Variants in CACTIN observed in about 807,000 individuals in gnomAD.
CACTIN encodes the protein cactin, spliceosome C complex subunit, also known as splicing factor Cactin.
Under a neutral mutation model 84.9 loss-of-function variants are expected in CACTIN, and 20 were observed. The observed-to-expected ratio is 0.24, with a 90% CI of 0.17 to 0.34. The LOEUF is 0.34. CACTIN is among the 10% of genes least tolerant of loss of function. The pLI is 1.00. For synonymous variants in CACTIN, 549 were observed against 467.9 expected (o/e 1.17, Z -2.24); for missense variants, 897 against 1,117.2 (o/e 0.80, Z 2.81).
rs941227472 is a variant in CACTIN, at chr19:3,614,744, T to G, written c.1163-155A>C. ...GTCCCGCCACCTCCCTGGTCTCAGG[T>G]TGTCCCCACCCTGGCCACAGCGGAG... On this transcript the variant is annotated intron_variant, in intron 6 of 9. Coordinates refer to ENST00000429344, the MANE Select transcript of CACTIN (RefSeq NM_001080543.2). 10 of 660,304 alleles carry G rather than the reference T, an allele frequency of 1.5e-5. No homozygotes were observed. The African/African-American group carries it at 1.6e-4, about 11-fold the overall frequency. The allele number at this position is 660,304 out of a possible 1,614,324, so 40.9% of individuals were successfully genotyped here. A position where few individuals can be genotyped will look rare whatever the true frequency, so the allele number is the denominator to read the frequency against.
intron 2 of CACTIN, among the ~76,000 whole-genome samples, chr19:3,621,532 C>G (rs1429650899): frequency 6.6e-6 from 1 of 152,202 alleles, no homozygotes; most frequent in Non-Finnish European, 1.5e-5. Context: ...CCCCAGACAC[C>G]CGGGCCACTC....
chr19:3,612,424 G>A lies in CACTIN; in HGVS notation c.1787-11C>T. On this transcript the variant is annotated splice_polypyrimidine_tract_variant and intron_variant, in intron 9 of 9. Coordinates refer to ENST00000429344, the MANE Select transcript of CACTIN (RefSeq NM_001080543.2). ...TCTCGCTGGCGTCTCCTGCGGGCGG[G>A]ACGGCGTTCACCCGGGCCTCGGCCT... The A allele has an allele frequency of 1.3e-6, 2 of 1,574,534 alleles. No homozygotes were observed. The highest frequency in any genetic ancestry group is 2.3e-5 in the East Asian group (1 of 44,404).
Position 3,612,285 on chromosome 19 carries a change from G to A in CACTIN, c.1915C>T (p.Arg639Trp), listed in dbSNP as rs1178679703. Reference sequence around the variant, plus strand: ...TTGAAGAAGCGCGGCTTGCGTGGCCGGTACTTGTCGGCCCACAGGTAGGCC... The same window carrying A: ...TTGAAGAAGCGCGGCTTGCGTGGCCAGTACTTGTCGGCCCACAGGTAGGCC... ...GKAYLWADKY[R>W]PRKPRFFNRV... Residue 639 changes from arginine (R) to tryptophan (W), a missense_variant, in exon 10 of 10, where the codon CGG becomes TGG. Physicochemically the swap from Arg to Trp is moderately radical, Grantham distance 101. This residue lies in a region of CACTIN where 13 missense variants were observed against 27.0 expected (regional missense o/e 0.48). Coordinates refer to ENST00000429344, the MANE Select transcript of CACTIN (RefSeq NM_001080543.2). 1.9e-6 allele frequency: 3 copies of A among 1,613,012 alleles called. No individual in the cohort carries two copies. Among genetic ancestry groups the A allele is most frequent in the African/African-American group, 1.3e-5 (1 of 75,072 alleles).
intron 2 of CACTIN, among the ~76,000 whole-genome samples, chr19:3,623,311 C>G (rs896457597): frequency 2.6e-5 from 4 of 151,746 alleles, no homozygotes; most frequent in African/African-American, 7.3e-5. Flanking sequence ...GGGTGGATCA[C>G]AAGGTCAGGA....
At position 3,611,487 on chromosome 19, in the gene CACTIN, G is replaced by A. The variant is rs562245235; in HGVS notation, c.*436C>T. On this transcript the variant is annotated 3_prime_UTR_variant, in exon 10 of 10. Coordinates refer to ENST00000429344, the MANE Select transcript of CACTIN (RefSeq NM_001080543.2). Reference sequence around the variant, plus strand: ...TGGCCTTGAGTTTCCTGCTTCTCACGAGCCTGGCACCGCCAAGCCCAGGCC... The same window carrying A: ...TGGCCTTGAGTTTCCTGCTTCTCACAAGCCTGGCACCGCCAAGCCCAGGCC... The A allele has an allele frequency of 1.8e-4, 67 of 375,978 alleles. No individual in the cohort carries two copies. The highest frequency in any genetic ancestry group is 9.4e-4 in the East Asian group (12 of 12,802). The allele number at this position is 375,978 out of a possible 1,614,324, so 23.3% of individuals were successfully genotyped here.
At position 3,620,677 on chromosome 19, in the gene CACTIN, C is replaced by A. The variant is rs199561841; in HGVS notation, c.738+30G>T. On this transcript the variant is annotated intron_variant, in intron 3 of 9. Coordinates refer to ENST00000429344, the MANE Select transcript of CACTIN (RefSeq NM_001080543.2). ...GCCTCCAGGCCCTGGAAAGGGAGGG[C>A]CCTGCCCAGTGGGCTGGCAGGGTGC... 7.0e-6 allele frequency: 11 copies of A among 1,572,850 alleles called. No homozygotes were observed. In the Admixed American group the frequency reaches 1.9e-4, roughly 27 times the overall value.
chr19:3,612,312 T>C lies in CACTIN; in HGVS notation c.1888A>G (p.Lys630Glu). Residue 630 changes from lysine to glutamate, a missense_variant, in exon 10 of 10, where the codon AAG (lysine) becomes GAG (glutamate). Transcript: ENST00000429344. ...QFSVEMPLTG[K>E]AYLWADKYRP... Reference sequence around the variant, plus strand: ...TACTTGTCGGCCCACAGGTAGGCCTTGCCGGTGAGTGGCATCTCCACGCTG... The same window carrying C: ...TACTTGTCGGCCCACAGGTAGGCCTCGCCGGTGAGTGGCATCTCCACGCTG... 6.2e-7 allele frequency: 1 copy of C among 1,612,780 alleles called. No homozygotes were observed. The highest frequency in any genetic ancestry group is 8.5e-7 in the Non-Finnish European group (1 of 1,179,872).
rs530955395 is a variant in CACTIN, at chr19:3,613,669, T to G, written c.1356-83A>C. The stretch of plus-strand genomic sequence containing the variant: ...CCACCGAGATTCTCACGCCCCTTAT[T>G]GCTGCAAGGACCCTGAGAAGGTGGC... On this transcript the variant is annotated intron_variant, in intron 7 of 9. Coordinates refer to ENST00000429344, the MANE Select transcript of CACTIN (RefSeq NM_001080543.2). 113 of 1,513,574 alleles carry G rather than the reference T, an allele frequency of 7.5e-5. 2 individuals are homozygous for G. The African/African-American group carries it at 1.3e-3, about 17-fold the overall frequency. The allele number at this position is 1,513,574 out of a possible 1,614,324, so 93.8% of individuals were successfully genotyped here. A position where few individuals can be genotyped will look rare whatever the true frequency, so the allele number is the denominator to read the frequency against.
In CACTIN at chr19:3,613,372, G is replaced by A. The variant is rs2033018406; in HGVS notation, c.1479-7C>T. Reference sequence around the variant, plus strand: ...CGCGTCCTCAGGCTCCAGGCTGGGAGGAGAGAGCGTTGGAGGCGCGGAGGC... The same window carrying A: ...CGCGTCCTCAGGCTCCAGGCTGGGAAGAGAGAGCGTTGGAGGCGCGGAGGC... On this transcript the variant is annotated splice_region_variant and splice_polypyrimidine_tract_variant and intron_variant, in intron 8 of 9. Transcript: ENST00000429344. 1 of 1,524,648 alleles carries A rather than the reference G, an allele frequency of 6.6e-7. No homozygotes were observed. Among genetic ancestry groups the A allele is most frequent in the Admixed American group, 2.0e-5 (1 of 49,894 alleles). The allele number at this position is 1,524,648 out of a possible 1,614,324, so 94.4% of individuals were successfully genotyped here.
chr19:3,620,746 G>T lies in CACTIN; in HGVS notation c.699C>A (p.Asn233Lys). ...GCCGGTTGTCCTCCTGGATCCTCTT[G>T]TTCCGCTCCTTCAGCTCCTTCTCCT... ...HLEEKELKER[N>K]KRIQEDNRLE... The change falls in exon 3 of 10, where the codon AAC (asparagine) becomes AAA (lysine). Residue 233 changes from asparagine to lysine, a missense_variant. Transcript: ENST00000429344. The T allele has an allele frequency of 6.2e-7, 1 of 1,613,502 alleles. No individual in the cohort carries two copies. The highest frequency in any genetic ancestry group is 8.5e-7 in the Non-Finnish European group (1 of 1,179,880).
chr19:3,614,634 C>T (rs1287665680), intron 6 of CACTIN, 45 bp from the exon 7 acceptor site: 5 of 1,505,462 alleles, frequency 3.3e-6, no homozygotes, highest in East Asian at 2.4e-5. Context: ...ACATTTCCTA[C>T]GTGCTCCTCC....
chr19:3,612,653 C>T (rs888962598), intron 9 of CACTIN: 26 of 716,076 alleles, frequency 3.6e-5, no homozygotes, highest in Middle Eastern at 2.3e-4. Flanking sequence ...CCAAGCGCAG[C>T]GCGCTTCCCC....
At position 3,626,617 on chromosome 19, in the gene CACTIN, C is replaced by T; in HGVS notation, c.146G>A (p.Arg49Lys). Residue 49 changes from arginine to lysine, a missense_variant, in exon 1 of 10, where the codon AGG becomes AAG. By Grantham distance (26) the Arg-to-Lys change is conservative. Coordinates refer to ENST00000429344, the MANE Select transcript of CACTIN (RefSeq NM_001080543.2). ...RREDEGRRRR[R>K]RRSRERRSDS... ...CCACCTGCGCTCCCGGCTCCGCCGC[C>T]TCCGTCTGCGCCGTCCCTCGTCCTC... 6.6e-7 allele frequency: 1 copy of T among 1,515,322 alleles called. No individual in the cohort carries two copies. The highest frequency in any genetic ancestry group is 8.8e-7 in the Non-Finnish European group (1 of 1,139,696). 93.9% of individuals were successfully genotyped at this position (1,515,322 alleles called of 1,614,324 possible).
chr19:3,626,339 A>C (rs1003374529), intron 1 of CACTIN, among the ~76,000 whole-genome samples: 13 of 152,194 alleles, frequency 8.5e-5, no homozygotes, highest in Non-Finnish European at 1.5e-4. Flanking sequence ...ATATGATCTG[A>C]TCTCTCGTTA....
At position 3,613,475 on chromosome 19, in the gene CACTIN, G is replaced by T; in HGVS notation, c.1467C>A (p.Ser489=). The T allele has an allele frequency of 3.2e-6, 5 of 1,580,070 alleles. No homozygotes were observed. Among genetic ancestry groups the T allele is most frequent in the Non-Finnish European group, 4.3e-6 (5 of 1,167,594 alleles). The change falls in exon 8 of 10, where the codon TCC becomes TCA. Residue 489 remains serine (S), a synonymous_variant. Transcript: ENST00000429344. ...LFPILKQEPQ[S]PSRSLEPEDA... is the part of the protein sequence containing the mutation. ...CCGGCCGGGCCTACCTGCGGCTGGG[G>T]GACTGGGGCTCCTGCTTGAGGATGG...
At chr19:3,613,022 C>T in intron 9 of CACTIN, 36 bp downstream of exon 9, 2 of 1,495,872 alleles carry the variant, frequency 1.3e-6, no homozygotes, top group East Asian at 2.5e-5. Flanking sequence ...GCTCGCCCCA[C>T]TGGCCCCACC....
chr19:3,613,099 A>C lies in CACTIN; in HGVS notation c.1745T>G (p.Leu582Arg), dbSNP rs746545132. The C allele has an allele frequency of 1.9e-6, 3 of 1,593,182 alleles. No individual in the cohort carries two copies. Among genetic ancestry groups the C allele is most frequent in the Non-Finnish European group, 1.7e-6 (2 of 1,174,014 alleles). ...DAHVLEPDED[L>R]QRLQLSRQQL... ...CTGGCGCGAGAGCTGCAGGCGCTGC[A>C]GGTCCTCATCCGGTTCCAGCACGTG... Residue 582 changes from leucine to arginine, a missense_variant, in exon 9 of 10, where the codon CTG becomes CGG. Coordinates refer to ENST00000429344, the MANE Select transcript of CACTIN (RefSeq NM_001080543.2).
rs34337349 is a variant in CACTIN, at chr19:3,618,177, CGGGG to C, written c.1162+694_1162+697del. Among the ~76,000 whole-genome samples the C allele has an allele frequency of 1.9e-4, 21 of 108,056 alleles. 2 individuals are homozygous for C. Among genetic ancestry groups the C allele is most frequent in the African/African-American group, 8.5e-4 (20 of 23,514 alleles). The allele number at this position is 108,056 out of a possible 152,430, so 70.9% of individuals were successfully genotyped here. On this transcript the variant is annotated intron_variant, in intron 6 of 9. Transcript: ENST00000429344. ...GGGCTGCTGTGGTTGGCTTTTAGAC[CGGGG>C]GGGGGGGGGGTCTCATCTAGGGCAA... is the stretch of plus-strand genomic sequence containing the variant.
In CACTIN at chr19:3,624,108, G is replaced by C. The variant is rs555010805; in HGVS notation, c.222C>G (p.Pro74=). ...WQRSGMRSRS[P]PRPKWHSRDG... is the part of the protein sequence containing the mutation. ...CTCTTGAGTGCCACTTGGGCCGCGGGGGGCTCCGGCTTCGCATCCCTGAGC... is the reference window on the plus strand; with the variant it reads ...CTCTTGAGTGCCACTTGGGCCGCGGCGGGCTCCGGCTTCGCATCCCTGAGC... Residue 74 remains proline, a synonymous_variant, in exon 2 of 10, where the codon CCC becomes CCG. Transcript: ENST00000429344. 1.4e-4 allele frequency: 218 copies of C among 1,588,834 alleles called. No individual in the cohort carries two copies. In the South Asian group the frequency reaches 2.3e-3, roughly 17 times the overall value.
Sources: allele counts gnomAD v4.1 joint callset (sites outside exome capture counted in the v4.1 genomes callset), GRCh38; gene constraint gnomAD v4.1.1; regional missense constraint gnomAD v4.1.1; transcripts MANE v1.5; gene names NCBI Gene and HGNC (gene_info 2026-07-23, HGNC 2026-07-21).